TMEM204: variants seen among roughly 807,000 people sequenced by gnomAD.
TMEM204 encodes the protein transmembrane protein 204, also known as claudin-like protein 24.
In TMEM204, 15 loss-of-function variants were observed where a neutral mutation model predicts 19.4. The observed-to-expected ratio is 0.77, with a 90% confidence interval of 0.52 to 1.19. TMEM204 has a LOEUF of 1.19. Among genes scored for constraint, TMEM204 ranks in the 50% most tolerant of loss-of-function variants. The probability of loss-of-function intolerance (pLI) is 0.00; values close to 1 mark genes in which losing one functional copy is unlikely to be tolerated. For synonymous variants in TMEM204, 161 were observed against 146.0 expected (o/e 1.10, Z -0.74); for missense variants, 287 against 321.2 (o/e 0.89, Z 0.81).
intron 2 of TMEM204, among the ~76,000 whole-genome samples, chr16:1,545,224 GCTC>G (rs1406011170): frequency 1.3e-5 from 2 of 152,196 alleles, no homozygotes; most frequent in African/African-American, 4.8e-5. Context: ...GCGGGACTGT[GCTC>G]CAACACGACC....
Position 1,534,528 on chromosome 16 carries a change from T to C in TMEM204, c.253T>C (p.Phe85Leu), listed in dbSNP as rs745887023. The part of the protein sequence containing the change: ...ALGWGSEAAG[F>L]QESRGTVKLQ... ...GGGCTGGGGCTCCGAGGCAGCCGGC[T>C]TCCAGGAGTCCCGAGGCACCGTCAA... Residue 85 changes from phenylalanine to leucine, a missense_variant, in exon 1 of 3, where the codon TTC (phenylalanine) becomes CTC (leucine). By Grantham distance (22) the Phe-to-Leu change is conservative (BLOSUM62 0). Transcript: ENST00000566264. 13 of 1,605,890 alleles carry C rather than the reference T, an allele frequency of 8.1e-6. No individual in the cohort carries two copies. The African/African-American group carries it at 1.6e-4, about 20-fold the overall frequency.
chr16:1,554,901 C>T lies in TMEM204; in HGVS notation c.556C>T (p.Leu186Phe). The T allele has an allele frequency of 6.2e-7, 1 of 1,614,248 alleles. No individual in the cohort carries two copies. Among genetic ancestry groups the T allele is most frequent in the South Asian group, 1.1e-5 (1 of 91,088 alleles). The change falls in exon 3 of 3, where the codon CTC (leucine) becomes TTC (phenylalanine). Residue 186 changes from leucine (L) to phenylalanine (F), a missense_variant. Physicochemically the swap from Leu to Phe is conservative, Grantham distance 22. Coordinates refer to ENST00000566264, the MANE Select transcript of TMEM204 (RefSeq NM_024600.6). ...TCTGGCCACGCTGGCGGCAGCCATG[C>T]TCATCTGGAACATTCTCCACAAGAG... ...CLLATLAAAM[L>F]IWNILHKRED...
At chr16:1,545,743 T>G (rs1040355519) in intron 2 of TMEM204, among the ~76,000 whole-genome samples, 1 of 152,090 alleles carries the variant, frequency 6.6e-6, no homozygotes, top group Non-Finnish European at 1.5e-5. Flanking sequence ...AAAGCCAGAG[T>G]GCAGCACACT....
chr16:1,540,642 G>C (rs1298423810), intron 1 of TMEM204, among the ~76,000 whole-genome samples: 3 of 152,210 alleles, frequency 2.0e-5, no homozygotes, highest in Non-Finnish European at 4.4e-5. Context: ...TCCTGAGCCT[G>C]GATTCTGGTG....
intron 2 of TMEM204, among the ~76,000 whole-genome samples, chr16:1,546,603 C>G (rs1320249535): frequency 6.6e-6 from 1 of 152,200 alleles, no homozygotes; most frequent in African/African-American, 2.4e-5. Context: ...CCACGTGCTC[C>G]CTGGTGCAGC....
intron 2 of TMEM204, among the ~76,000 whole-genome samples, chr16:1,552,481 G>C (rs1349567967): frequency 1.3e-5 from 2 of 152,082 alleles, no homozygotes; most frequent in Admixed American, 6.5e-5. Context: ...GTAAACATGA[G>C]TGGACGCTGT....
intron 2 of TMEM204, chr16:1,554,271 G>A (rs369062740): frequency 2.1e-5 from 9 of 437,330 alleles, no homozygotes; most frequent in East Asian, 7.3e-5. Context: ...CTCTGGGCGC[G>A]ATGAGCACCA....
upstream of TMEM204, chr16:1,531,641 T>G (rs1359012365): frequency 6.6e-6 from 1 of 151,852 alleles, no homozygotes; most frequent in African/African-American, 2.4e-5. The surrounding 1 kb of genome is among the most constrained non-coding windows in gnomAD (Gnocchi z 4.7). Context: ...GGGTCGCTCT[T>G]AACTTACATG....
upstream of TMEM204, among the ~76,000 whole-genome samples, chr16:1,529,777 G>A (rs1479801880): frequency 2.0e-5 from 3 of 152,166 alleles, no homozygotes; most frequent in African/African-American, 4.8e-5. Context: ...GTTTATAAAC[G>A]GCTCAGACAC....
chr16:1,543,494 T>C (rs1951586801), intron 2 of TMEM204, among the ~76,000 whole-genome samples: 1 of 152,178 alleles, frequency 6.6e-6, no homozygotes, highest in Non-Finnish European at 1.5e-5. Context: ...CCTCGAGGCT[T>C]CAGTGGAAGA....
chr16:1,541,677 G>A (rs1026850531), intron 1 of TMEM204, among the ~76,000 whole-genome samples: 1 of 152,128 alleles, frequency 6.6e-6, no homozygotes, highest in East Asian at 1.9e-4. Context: ...GCAGGGATAC[G>A]ACCACTGCAG....
upstream of TMEM204, among the ~76,000 whole-genome samples, chr16:1,529,872 T>C (rs2030259002): frequency 6.6e-6 from 1 of 152,144 alleles, no homozygotes; most frequent in Middle Eastern, 3.2e-3. Context: ...CAGCAAATGA[T>C]GCACGTGGAG....
At chr16:1,537,955 C>T (rs550634030) in intron 1 of TMEM204, among the ~76,000 whole-genome samples, 4 of 152,340 alleles carry the variant, frequency 2.6e-5, no homozygotes, top group African/African-American at 4.8e-5. Context: ...ACCCCCTGCT[C>T]GGCCAGGACC....
chr16:1,540,876 T>C lies in TMEM204; in HGVS notation c.281-1045T>C, dbSNP rs549466949. On this transcript the variant is annotated intron_variant, in intron 1 of 2. Transcript: ENST00000566264. ...ACAGGCTAGGGACTCTGTGGGGCTG[T>C]TGCTTCACATGCAGTCCCTGACTCC... 2.9e-5 allele frequency: 29 copies of C among 985,450 alleles called. No individual in the cohort carries two copies. The South Asian group carries it at 1.2e-3, about 41-fold the overall frequency. 61.0% of individuals were successfully genotyped at this position (985,450 alleles called of 1,614,324 possible).
chr16:1,535,480 C>T (rs927920431), intron 1 of TMEM204, among the ~76,000 whole-genome samples: 3 of 152,218 alleles, frequency 2.0e-5, no homozygotes, highest in African/African-American at 7.2e-5. Context: ...GCCTCACAGA[C>T]TCGGGGTTGG....
chr16:1,540,789 G>A (rs1165533699), intron 1 of TMEM204: 3 of 974,304 alleles, frequency 3.1e-6, no homozygotes, highest in Non-Finnish European at 3.7e-6. Context: ...TGTTTATAAC[G>A]ACTTAGTTTT....
At chr16:1,546,124 G>A (rs1286838119) in intron 2 of TMEM204, among the ~76,000 whole-genome samples, 1 of 152,238 alleles carries the variant, frequency 6.6e-6, no homozygotes, top group Non-Finnish European at 1.5e-5. Context: ...ATAGGCACGG[G>A]CAGAGAGGGA....
intron 2 of TMEM204, among the ~76,000 whole-genome samples, chr16:1,548,992 C>T (rs958233548): frequency 3.3e-5 from 5 of 152,216 alleles, no homozygotes; most frequent in African/African-American, 9.6e-5. Flanking sequence ...TCTGGGCCAC[C>T]GTCCTCCGCA....
In TMEM204 at chr16:1,553,097, A is replaced by G; in HGVS notation, c.437-1685A>G. 1 of 985,422 alleles carries G rather than the reference A, an allele frequency of 1.0e-6. No homozygotes were observed. The highest frequency in any genetic ancestry group is 1.2e-6 in the Non-Finnish European group (1 of 829,934). The allele number at this position is 985,422 out of a possible 1,614,324, so 61.0% of individuals were successfully genotyped here. Reference sequence around the variant, plus strand: ...GGAGATAGATAAATGCTTAATTCATACTTTCTGGAGGGTACAGTGATGATG... The same window carrying G: ...GGAGATAGATAAATGCTTAATTCATGCTTTCTGGAGGGTACAGTGATGATG... On this transcript the variant is annotated intron_variant, in intron 2 of 2. Coordinates refer to ENST00000566264, the MANE Select transcript of TMEM204 (RefSeq NM_024600.6). This position sits in a 1 kb window ranked among gnomAD's most constrained non-coding sequence, Gnocchi z 4.4.
Sources: gnomAD v4.1 joint callset for allele counts (sites outside exome capture counted in the v4.1 genomes callset) on GRCh38, gnomAD v4.1.1 for gene constraint, Gnocchi (gnomAD v3.1) non-coding constraint, MANE v1.5 for transcripts, NCBI Gene and HGNC (gene_info 2026-07-23, HGNC 2026-07-21) for gene names.